The following PRH1 variants were observed in gnomAD, a reference collection of about 807,000 sequenced individuals.
The protein encoded by PRH1 is proline rich protein HaeIII subfamily 1, also known as salivary acidic proline-rich phosphoprotein 1/2.
In PRH1, 7 loss-of-function variants were observed where a neutral mutation model predicts 7.9. The ratio of observed to expected loss-of-function variants is 0.89; its 90% CI spans 0.50 to 1.67. The LOEUF (loss-of-function observed/expected upper bound fraction) is 1.67, where lower values mean the gene tolerates loss of function less well. PRH1 is among the 40% of genes most tolerant of loss of function. PRH1 has a pLI of 0.00. For synonymous variants in PRH1, 45 were observed against 80.8 expected, an observed-to-expected ratio of 0.56 and a Z score of 2.38; for missense variants, 109 against 223.6, an observed-to-expected ratio of 0.49 and a Z score of 3.27.
chr12:10,919,112 T>C (rs1455135382), intron 2 of PRH1, among the ~76,000 whole-genome samples: 1 of 152,142 alleles, frequency 6.6e-6, no homozygotes, highest in Non-Finnish European at 1.5e-5. Flanking sequence ...ATTCTATATT[T>C]AATCCTCTTA....
chr12:10,899,478 A>T (rs1324394207), intron 2 of PRH1, among the ~76,000 whole-genome samples: 1 of 152,136 alleles, frequency 6.6e-6, no homozygotes, highest in Non-Finnish European at 1.5e-5. Flanking sequence ...TACCATTTTC[A>T]ATGTAGTGAG....
intron 1 of PRH1, among the ~76,000 whole-genome samples, chr12:11,106,712 A>T (rs1945430589): frequency 6.6e-6 from 1 of 151,924 alleles, no homozygotes; most frequent in African/African-American, 2.4e-5. Flanking sequence ...TTTACAGTAT[A>T]ATTGTTTCTA....
chr12:11,076,241 A>G (rs1185008196), intron 1 of PRH1, among the ~76,000 whole-genome samples: 1 of 148,014 alleles, frequency 6.8e-6, no homozygotes, highest in Non-Finnish European at 1.5e-5. Context: ...CAATGGATAC[A>G]TCAACACACT....
At position 11,106,744 on chromosome 12, in the gene PRH1, C is replaced by T. The variant is rs114101561; in HGVS notation, n.124-59556G>A. 5.4e-3 allele frequency among the ~76,000 whole-genome samples: 821 copies of T among 151,182 alleles called. 5 individuals carry two copies. Among genetic ancestry groups the T allele is most frequent in the African/African-American group, 0.019 (781 of 41,234 alleles). On this transcript the variant is annotated intron_variant and non_coding_transcript_variant, in intron 1 of 4. Coordinates refer to the PRH1 transcript ENST00000541977. ...TCTAACAGAAGATTGTGGAGTCAGA[C>T]TGCCAAGACAGGAAAGCAGATTTTC...
At chr12:10,899,640 C>A (rs1160495029) in intron 2 of PRH1, among the ~76,000 whole-genome samples, 3 of 152,144 alleles carry the variant, frequency 2.0e-5, no homozygotes, top group Non-Finnish European at 4.4e-5. Context: ...ATGGTTTGAC[C>A]CAGCACAAAA....
intron 1 of PRH1, among the ~76,000 whole-genome samples, chr12:11,066,025 ACT>A (rs1439881867): frequency 1.3e-4 from 20 of 152,310 alleles, no homozygotes; most frequent in Middle Eastern, 3.4e-3. Flanking sequence ...TTTAAATTTT[ACT>A]CTGTTTTTAT....
At position 10,983,514 on chromosome 12, in the gene PRH1, G is replaced by C. The variant is rs574302026; in HGVS notation, c.-125-9793C>G. Among the ~76,000 whole-genome samples, 3 of 152,260 alleles carry C rather than the reference G, an allele frequency of 2.0e-5. No homozygotes were observed. In the East Asian group the frequency reaches 5.8e-4, roughly 29 times the overall value. Reference sequence around the variant, plus strand: ...GGGACTTCAATGGAACACCACACTGGGGGCATGAGGTTTGGCTTTCATAAC... The same window carrying C: ...GGGACTTCAATGGAACACCACACTGCGGGCATGAGGTTTGGCTTTCATAAC... On this transcript the variant is annotated intron_variant, in intron 1 of 3. Transcript: ENST00000539853.
chr12:10,986,370 C>T lies in PRH1; in HGVS notation c.-125-12649G>A, dbSNP rs144926896. 1,717 of 1,613,938 alleles carry T rather than the reference C, an allele frequency of 1.1e-3. 20 individuals carry two copies. In the African/African-American group the frequency reaches 0.02, roughly 19 times the overall value. On this transcript the variant is annotated intron_variant, in intron 1 of 3. Coordinates refer to the PRH1 transcript ENST00000539853. ...TACTGTATTCCTCAATTTCATCTTC[C>T]CAGTCATGTTTCCTTCATATTCTTC...
chr12:11,098,625 A>T (rs1945134306), intron 1 of PRH1, among the ~76,000 whole-genome samples: 1 of 152,232 alleles, frequency 6.6e-6, no homozygotes, highest in African/African-American at 2.4e-5. Context: ...AAAGTCTTAA[A>T]GGGAGCTTGG....
rs1204358668 is a variant in PRH1, at chr12:11,096,959, G to C, written n.124-49771C>G. Among the ~76,000 whole-genome samples, 2 of 112,784 alleles carry C rather than the reference G, an allele frequency of 1.8e-5. 1 individual carries two copies. The highest frequency in any genetic ancestry group is 6.0e-5 in the African/African-American group (2 of 33,472). 74.0% of individuals were successfully genotyped at this position (112,784 alleles called of 152,430 possible). ...ACTACAGGCACCCACCACCACGCTCGGCTAATTTTTTCGTATTTTTAGTAG... is the reference window on the plus strand; with the variant it reads ...ACTACAGGCACCCACCACCACGCTCCGCTAATTTTTTCGTATTTTTAGTAG... On this transcript the variant is annotated intron_variant and non_coding_transcript_variant, in intron 1 of 4. Coordinates refer to the PRH1 transcript ENST00000541977.
chr12:11,086,571 G>A (rs1301152733), intron 1 of PRH1, among the ~76,000 whole-genome samples: 1 of 147,810 alleles, frequency 6.8e-6, no homozygotes, highest in Admixed American at 6.8e-5. Flanking sequence ...ACTATGATGT[G>A]AGACTCCATT....
At chr12:10,887,173 A>T (rs2135786620), upstream of PRH1, among the ~76,000 whole-genome samples, 1 of 152,332 alleles carries the variant, frequency 6.6e-6, no homozygotes, top group African/African-American at 2.4e-5. Context: ...ATCTTCTTCG[A>T]CTTCACCATG....
chr12:10,966,942 C>T (rs923769925), intron 2 of PRH1, among the ~76,000 whole-genome samples: 4 of 151,920 alleles, frequency 2.6e-5, no homozygotes. Context: ...GGTGAAACCC[C>T]GTCTCTACAA....
upstream of PRH1, among the ~76,000 whole-genome samples, chr12:11,047,412 T>G (rs1424860245): frequency 6.6e-6 from 1 of 152,104 alleles, no homozygotes; most frequent in African/African-American, 2.4e-5. Context: ...TGAATTTTTT[T>G]GAGAAATATT....
chr12:10,997,532 C>A, intron 1 of PRH1: 1 of 1,613,972 alleles, frequency 6.2e-7, no homozygotes, highest in Non-Finnish European at 8.5e-7. Flanking sequence ...AAAAATAAGT[C>A]TGGAGAAATT....
chr12:10,909,268 G>A, intron 2 of PRH1: 1 of 1,613,288 alleles, frequency 6.2e-7, no homozygotes, highest in Non-Finnish European at 8.5e-7. Flanking sequence ...ATTATTACAA[G>A]AGTGAAGATA....
chr12:10,914,509 C>A (rs718109), intron 2 of PRH1, among the ~76,000 whole-genome samples: 74,679 of 152,060 alleles, frequency 0.49, 20,775 homozygotes, highest in East Asian at 0.72. Context: ...CAAGGAGGTT[C>A]TGAGCAGATG....
At chr12:11,013,937 C>T (rs11054164) in intron 1 of PRH1, among the ~76,000 whole-genome samples, 35,936 of 151,712 alleles carry the variant, frequency 0.24, 312 homozygotes, top group East Asian at 0.48. Flanking sequence ...CCATGTTTCC[C>T]AGGTTGGTCT....
chr12:10,941,787 T>C (rs1182895939), intron 2 of PRH1, among the ~76,000 whole-genome samples: 1 of 152,134 alleles, frequency 6.6e-6, no homozygotes, highest in African/African-American at 2.4e-5. Flanking sequence ...TGGGGAGTGT[T>C]AAAGAGCCTT....
Sources: gnomAD v4.1 joint callset for allele counts (sites outside exome capture counted in the v4.1 genomes callset) on GRCh38, gnomAD v4.1.1 for gene constraint, MANE v1.5 for transcripts, NCBI Gene and HGNC (gene_info 2026-07-23, HGNC 2026-07-21) for gene names.